The following PDZD2 variants were observed in gnomAD, a reference collection of about 807,000 sequenced individuals.
The protein encoded by PDZD2 is PDZ domain-containing protein 2.
Under a neutral mutation model 220.7 loss-of-function variants are expected in PDZD2, and 90 were observed. That is an observed-to-expected ratio of 0.41 (90% CI 0.34 to 0.49). The LOEUF (loss-of-function observed/expected upper bound fraction) is 0.49. Ranked by LOEUF, PDZD2 falls within the 20% of genes least tolerant of loss-of-function variation. PDZD2 has a pLI of 0.28. For missense variants in PDZD2, 3,174 were observed against 3,608.5 expected (o/e 0.88, Z 3.08); for synonymous variants, 1,375 against 1,450.5 (o/e 0.95, Z 1.18).
intron 1 of PDZD2, among the ~76,000 whole-genome samples, chr5:31,747,255 A>C (rs1201650973): frequency 6.6e-6 from 1 of 152,192 alleles, no homozygotes; most frequent in Admixed American, 6.5e-5. Flanking sequence ...TAAACGTGTA[A>C]GTTTTTTGTG....
intron 1 of PDZD2, among the ~76,000 whole-genome samples, chr5:31,775,450 TC>T (rs1752586811): frequency 6.6e-6 from 1 of 152,182 alleles, no homozygotes; most frequent in Non-Finnish European, 1.5e-5. Context: ...CAGCTCCTTC[TC>T]CTTGGCCCAG....
chr5:31,822,970 C>CAACCT, intron 2 of PDZD2: 1 of 1,128,054 alleles, frequency 8.9e-7, no homozygotes, highest in Middle Eastern at 3.0e-4. Flanking sequence ...TTTGTCAACC[C>CAACCT]GGGGCCTCTT....
At position 31,995,626 on chromosome 5, in the gene PDZD2, G is replaced by A. The variant is rs369445931; in HGVS notation, c.1029G>A (p.Gly343=). 2.3e-4 allele frequency: 378 copies of A among 1,614,002 alleles called. No individual in the cohort carries two copies. Among genetic ancestry groups the A allele is most frequent in the Non-Finnish European group, 3.0e-4 (358 of 1,180,024 alleles). ...WKMELLKESD[G]LGIQVSGGRG... ...TGGAGCTGCTCAAAGAATCGGATGG[G>A]CTGGGAATTCAGGTTAGTGGAGGCC... The change falls in exon 4 of 25, where the codon GGG becomes GGA. Residue 343 remains glycine (G), a synonymous_variant. Coordinates refer to ENST00000438447, the MANE Select transcript of PDZD2 (RefSeq NM_178140.4).
At chr5:31,843,272 T>C (rs1359838212) in intron 2 of PDZD2, 1 of 141,590 alleles carries the variant, frequency 7.1e-6, no homozygotes, top group Non-Finnish European at 1.6e-5. Context: ...TTTTTCTTTC[T>C]TTTTTTTTTT....
chr5:31,803,863 C>T (rs1203832302), intron 2 of PDZD2, among the ~76,000 whole-genome samples: 2 of 151,914 alleles, frequency 1.3e-5, no homozygotes, highest in Non-Finnish European at 2.9e-5. Context: ...TGGCAAGTCC[C>T]CATCTCTATA....
At chr5:31,986,849 T>C (rs1454156910) in intron 3 of PDZD2, among the ~76,000 whole-genome samples, 1 of 152,226 alleles carries the variant, frequency 6.6e-6, no homozygotes, top group African/African-American at 2.4e-5. Flanking sequence ...TAAGACAATG[T>C]TACATTAAAA....
chr5:31,676,845 C>T (rs533372630), intron 1 of PDZD2, among the ~76,000 whole-genome samples: 10 of 152,154 alleles, frequency 6.6e-5, no homozygotes, highest in Non-Finnish European at 1.2e-4. Context: ...TGAGCTACCA[C>T]GGCCGGCCCT....
intron 21 of PDZD2, among the ~76,000 whole-genome samples, chr5:32,095,155 TCAAA>T (rs1185463739): frequency 3.3e-5 from 5 of 152,250 alleles, no homozygotes; most frequent in East Asian, 3.9e-4. Context: ...TTCAGGAACC[TCAAA>T]CAAAGTATGG....
chr5:31,741,177 T>C (rs1750239935), intron 1 of PDZD2, among the ~76,000 whole-genome samples: 1 of 140,902 alleles, frequency 7.1e-6, no homozygotes, highest in African/African-American at 2.7e-5. Context: ...TAGTCAGATC[T>C]TGTACAATAG....
intron 2 of PDZD2, among the ~76,000 whole-genome samples, chr5:31,866,899 T>C (rs776689333): frequency 3.3e-5 from 5 of 152,186 alleles, no homozygotes; most frequent in Admixed American, 6.5e-5. Flanking sequence ...CTTAAGGAAC[T>C]GAAATAATAG....
Position 31,840,415 on chromosome 5 carries a change from TA to T in PDZD2, c.476+40692del, listed in dbSNP as rs1561499020. ...TTTTCATTATATATATATATATATA[TA>T]TATATATATATATATATATATATAT... On this transcript the variant is annotated intron_variant, in intron 2 of 24. Coordinates refer to ENST00000438447, the MANE Select transcript of PDZD2 (RefSeq NM_178140.4). 3.4e-4 allele frequency: 30 copies of T among 88,444 alleles called. 1 individual carries two copies. The highest frequency in any genetic ancestry group is 9.4e-4 in the Admixed American group (7 of 7,424). 5.5% of individuals were successfully genotyped at this position (88,444 alleles called of 1,614,324 possible). A position where few individuals can be genotyped will look rare whatever the true frequency, so the allele number is the denominator to read the frequency against.
chr5:31,752,068 G>GTTTT lies in PDZD2; in HGVS notation c.-360-46821_-360-46820insTTTT, dbSNP rs1251840861. ...TTTGTTTGTTTGTTTTATTGTTTTGGGTTTGTTTTTTTTTTTTTTTTTCTG... is the reference window on the plus strand; with the variant it reads ...TTTGTTTGTTTGTTTTATTGTTTTGGTTTTGTTTGTTTTTTTTTTTTTTTTTCTG... On this transcript the variant is annotated intron_variant, in intron 1 of 24. Transcript: ENST00000438447. Among the ~76,000 whole-genome samples, 170 of 95,934 alleles carry GTTTT rather than the reference G, an allele frequency of 1.8e-3. 47 individuals are homozygous for GTTTT. Among genetic ancestry groups the GTTTT allele is most frequent in the African/African-American group, 2.6e-3 (58 of 22,066 alleles). 62.9% of individuals were successfully genotyped at this position (95,934 alleles called of 152,430 possible).
intron 2 of PDZD2, among the ~76,000 whole-genome samples, chr5:31,956,674 G>T (rs1055743455): frequency 6.9e-6 from 1 of 144,332 alleles, no homozygotes; most frequent in African/African-American, 2.6e-5. Context: ...CAGAAGAATC[G>T]CTTGAACCAG....
chr5:31,821,637 C>G (rs1755869248), intron 2 of PDZD2, among the ~76,000 whole-genome samples: 1 of 152,134 alleles, frequency 6.6e-6, no homozygotes, highest in Admixed American at 6.5e-5. Flanking sequence ...CCTCGGCCTC[C>G]CAAAGTGCTG....
intron 5 of PDZD2, among the ~76,000 whole-genome samples, chr5:32,008,874 G>A (rs1051081194): frequency 9.2e-5 from 14 of 152,170 alleles, no homozygotes; most frequent in South Asian, 4.1e-4. Flanking sequence ...AGCCTTGCCC[G>A]CGTGGGCCTC....
chr5:31,944,214 A>T (rs1392764003), intron 2 of PDZD2, among the ~76,000 whole-genome samples: 3 of 152,172 alleles, frequency 2.0e-5, no homozygotes, highest in Non-Finnish European at 4.4e-5. Context: ...GTAGCCAGAG[A>T]GTCTATGGCA....
rs575106193 is a variant in PDZD2, at chr5:32,031,715, T to C, written c.1408-5516T>C. Among the ~76,000 whole-genome samples, 126 of 152,324 alleles carry C rather than the reference T, an allele frequency of 8.3e-4. 1 individual carries two copies. The highest frequency in any genetic ancestry group is 3.0e-3 in the African/African-American group (124 of 41,576). On this transcript the variant is annotated intron_variant, in intron 6 of 24. Coordinates refer to ENST00000438447, the MANE Select transcript of PDZD2 (RefSeq NM_178140.4). ...GGGGGAGAAAGCTTGGGCCTTTTTA[T>C]TTCTTTAATTTCGACTAAACCTTAC...
chr5:31,784,658 C>T (rs892200274), intron 1 of PDZD2, among the ~76,000 whole-genome samples: 1 of 152,092 alleles, frequency 6.6e-6, no homozygotes, highest in Non-Finnish European at 1.5e-5. Context: ...CCTGTAATCC[C>T]AGCACTTTGG....
intron 2 of PDZD2, among the ~76,000 whole-genome samples, chr5:31,892,710 G>A (rs1741155308): frequency 6.9e-6 from 1 of 144,380 alleles, no homozygotes; most frequent in African/African-American, 2.5e-5. Flanking sequence ...TAGGTCAACA[G>A]GTGTGCACCA....
Sources: allele counts gnomAD v4.1 joint callset (sites outside exome capture counted in the v4.1 genomes callset), GRCh38; gene constraint gnomAD v4.1.1; transcripts MANE v1.5; gene names NCBI Gene and HGNC (gene_info 2026-07-23, HGNC 2026-07-21).